CHN1: variants seen among roughly 807,000 people sequenced by gnomAD.
CHN1 encodes chimerin 1.
In CHN1, 37 loss-of-function variants were observed where a neutral mutation model predicts 59.5. That is an observed-to-expected ratio of 0.62 (90% CI 0.48 to 0.82). The LOEUF is 0.82. Ranked by LOEUF, CHN1 falls within the 40% of genes least tolerant of loss-of-function variation. The pLI is 0.00. For missense variants in CHN1, 469 were observed against 571.0 expected (o/e 0.82, Z 1.82); for synonymous variants, 206 against 200.4 (o/e 1.03, Z -0.24).
chr2:174,995,535 T>C (rs376316775), intron 1 of CHN1, among the ~76,000 whole-genome samples: 16 of 152,296 alleles, frequency 1.1e-4, no homozygotes, highest in African/African-American at 3.9e-4. Flanking sequence ...AGGCATTAGA[T>C]TGTCATAAGG....
intron 1 of CHN1, among the ~76,000 whole-genome samples, chr2:174,976,212 T>A (rs570562287): frequency 1.3e-5 from 2 of 152,010 alleles, no homozygotes; most frequent in East Asian, 3.9e-4. Context: ...CCATGTTATG[T>A]TTCACTATCC....
At chr2:174,884,135 A>AT (rs1687823792) in intron 5 of CHN1, among the ~76,000 whole-genome samples, 1 of 151,604 alleles carries the variant, frequency 6.6e-6, no homozygotes, top group African/African-American at 2.4e-5. Flanking sequence ...TGCCTGCCTA[A>AT]TTTTTTTGTA....
chr2:174,812,968 T>C (rs764182131), intron 8 of CHN1, among the ~76,000 whole-genome samples: 3 of 152,226 alleles, frequency 2.0e-5, no homozygotes, highest in Non-Finnish European at 4.4e-5. Context: ...CCTTTCTATA[T>C]ATATGATAAC....
chr2:174,812,892 T>G (rs1685123697), intron 8 of CHN1, among the ~76,000 whole-genome samples: 1 of 152,200 alleles, frequency 6.6e-6, no homozygotes, highest in Non-Finnish European at 1.5e-5. Context: ...GAATTGGACC[T>G]CCAAAAGTAG....
intron 7 of CHN1, among the ~76,000 whole-genome samples, chr2:174,829,695 A>G (rs1685805883): frequency 2.0e-5 from 3 of 152,208 alleles, no homozygotes; most frequent in Admixed American, 1.3e-4. Context: ...CATTACGGGA[A>G]ATAAAATTTT....
intron 6 of CHN1, among the ~76,000 whole-genome samples, chr2:174,854,377 G>A (rs1316820962): frequency 6.6e-6 from 1 of 151,966 alleles, no homozygotes; most frequent in Non-Finnish European, 1.5e-5. Context: ...AATAGAAGGT[G>A]AAATAGGTGA....
At chr2:174,923,807 T>C (rs961378679) in intron 3 of CHN1, among the ~76,000 whole-genome samples, 2 of 152,322 alleles carry the variant, frequency 1.3e-5, no homozygotes, top group East Asian at 1.9e-4. Context: ...CAGAAAACAA[T>C]TGATTATGGT....
chr2:174,966,884 A>T (rs960638868), intron 1 of CHN1, among the ~76,000 whole-genome samples: 1 of 152,174 alleles, frequency 6.6e-6, no homozygotes, highest in African/African-American at 2.4e-5. Flanking sequence ...CCTCTCAATG[A>T]TATCTCAGCA....
At chr2:174,816,686 A>T (rs1378614344) in intron 8 of CHN1, among the ~76,000 whole-genome samples, 1 of 152,226 alleles carries the variant, frequency 6.6e-6, no homozygotes, top group Non-Finnish European at 1.5e-5. Flanking sequence ...TCTGCCTTCC[A>T]ACTTTTCAGA....
At chr2:174,870,726 T>C (rs969313947) in intron 6 of CHN1, among the ~76,000 whole-genome samples, 3 of 152,244 alleles carry the variant, frequency 2.0e-5, no homozygotes, top group African/African-American at 7.2e-5. Flanking sequence ...TTTGAAAAGT[T>C]TGATGAATAA....
At chr2:174,828,430 A>T (rs1204932427) in intron 7 of CHN1, among the ~76,000 whole-genome samples, 3 of 152,172 alleles carry the variant, frequency 2.0e-5, no homozygotes, top group Non-Finnish European at 4.4e-5. Context: ...ATTATCGGTG[A>T]TGTTTACGTC....
chr2:174,964,119 G>C (rs1690519346), intron 1 of CHN1, among the ~76,000 whole-genome samples: 1 of 152,130 alleles, frequency 6.6e-6, no homozygotes, highest in South Asian at 2.1e-4. Flanking sequence ...GGGAGAGAGA[G>C]GATGAAAGAA....
At chr2:174,913,990 T>A (rs1688767566) in intron 5 of CHN1, among the ~76,000 whole-genome samples, 1 of 152,178 alleles carries the variant, frequency 6.6e-6, no homozygotes, top group African/African-American at 2.4e-5. Context: ...GGATAAATAT[T>A]CCAAGCCTTT....
At chr2:174,924,048 C>T (rs936868848) in intron 3 of CHN1, among the ~76,000 whole-genome samples, 14 of 152,040 alleles carry the variant, frequency 9.2e-5, no homozygotes, top group Admixed American at 6.6e-4. Flanking sequence ...ATATACTACC[C>T]TAAAACATGC....
chr2:174,840,493 A>G (rs1686260897), intron 7 of CHN1, among the ~76,000 whole-genome samples: 2 of 152,012 alleles, frequency 1.3e-5, no homozygotes, highest in Non-Finnish European at 2.9e-5. Flanking sequence ...CCTTCTCATC[A>G]TTCTCATTAT....
At chr2:174,850,817 G>A (rs948708537) in intron 6 of CHN1, among the ~76,000 whole-genome samples, 2 of 152,190 alleles carry the variant, frequency 1.3e-5, no homozygotes, top group East Asian at 1.9e-4. Flanking sequence ...CAGATTAGGA[G>A]AGAAGTGGAA....
intron 1 of CHN1, among the ~76,000 whole-genome samples, chr2:174,966,817 G>A (rs1049280793): frequency 4.6e-5 from 7 of 152,148 alleles, no homozygotes; most frequent in Non-Finnish European, 8.8e-5. Flanking sequence ...AGACAGGCCT[G>A]TTTACCTACA....
At chr2:174,898,702 T>G (rs1290985524) in intron 5 of CHN1, among the ~76,000 whole-genome samples, 1 of 152,194 alleles carries the variant, frequency 6.6e-6, no homozygotes, top group African/African-American at 2.4e-5. Context: ...ATTTCATTAT[T>G]TTAAGATTTT....
At chr2:174,897,843 A>C (rs1179002128) in intron 5 of CHN1, among the ~76,000 whole-genome samples, 1 of 152,194 alleles carries the variant, frequency 6.6e-6, no homozygotes, top group Non-Finnish European at 1.5e-5. Flanking sequence ...TGAAAAAAAG[A>C]GGCAGGGAGA....
Sources: gnomAD v4.1 joint callset for allele counts (sites outside exome capture counted in the v4.1 genomes callset) on GRCh38, gnomAD v4.1.1 for gene constraint, MANE v1.5 for transcripts, NCBI Gene and HGNC (gene_info 2026-07-23, HGNC 2026-07-21) for gene names.